Variants in CISD3 observed in about 807,000 individuals in gnomAD.
CISD3 encodes the protein CDGSH iron-sulfur domain-containing protein 3, mitochondrial.
CISD3 carries 11 observed loss-of-function variants against 14.1 expected under a neutral mutation model. That is an observed-to-expected ratio of 0.78 (90% CI 0.49 to 1.29). CISD3 has a LOEUF of 1.29. Among genes scored for constraint, CISD3 ranks in the 50% most tolerant of loss-of-function variants. The probability of loss-of-function intolerance (pLI) is 0.00; values close to 1 mark genes in which losing one functional copy is unlikely to be tolerated. For missense variants in CISD3, 156 were observed against 171.6 expected, an observed-to-expected ratio of 0.91 and a Z score of 0.51; for synonymous variants, 53 against 69.2, an observed-to-expected ratio of 0.77 and a Z score of 1.16.
chr17:38,731,126 T>G, intron 2 of CISD3, 194 bp from the exon 3 acceptor site: 1 of 741,558 alleles, frequency 1.3e-6, no homozygotes, highest in Non-Finnish European at 2.0e-6. Flanking sequence ...TGCATGGCTT[T>G]GAAATCTCCC....
chr17:38,733,752 A>C lies in CISD3; in HGVS notation c.*297A>C, dbSNP rs1012285948. ...GTGCTGCCTCCTGCTCCAGATTTTA[A>C]CCTCTCTGTGGGCTGGGGGCACCTG... On this transcript the variant is annotated 3_prime_UTR_variant, in exon 4 of 4. Transcript: ENST00000613478. The C allele has an allele frequency of 2.0e-5, 7 of 353,640 alleles. No homozygotes were observed. The highest frequency in any genetic ancestry group is 3.6e-5 in the Non-Finnish European group (7 of 195,658). The allele number at this position is 353,640 out of a possible 1,614,324, so 21.9% of individuals were successfully genotyped here. A position where few individuals can be genotyped will look rare whatever the true frequency, so the allele number is the denominator to read the frequency against.
intron 3 of CISD3, 91 bp downstream of exon 3, chr17:38,731,530 T>TC: frequency 6.6e-7 from 1 of 1,505,036 alleles, no homozygotes; most frequent in Non-Finnish European, 9.0e-7. Context: ...ATCTTATTCT[T>TC]CCCACACATA....
At position 38,734,952 on chromosome 17, in the gene CISD3, C is replaced by CG; in HGVS notation, c.*1497_*1498insG. 3.4e-6 allele frequency: 1 copy of CG among 298,402 alleles called. No individual in the cohort carries two copies. The allele number at this position is 298,402 out of a possible 1,614,324, so 18.5% of individuals were successfully genotyped here. A position where few individuals can be genotyped will look rare whatever the true frequency, so the allele number is the denominator to read the frequency against. On this transcript the variant is annotated 3_prime_UTR_variant, in exon 4 of 4. Coordinates refer to ENST00000613478, the MANE Select transcript of CISD3 (RefSeq NM_001136498.2). ...AAACAGCAAATTACACAAGACCCCC[C>CG]CCAAAAAAAATGAACACCATTTTCC...
At chr17:38,730,467 C>A (rs11652810) in intron 1 of CISD3, 61 bp downstream of exon 1, 244,256 of 1,176,794 alleles carry the variant, frequency 0.21, 26,938 homozygotes, top group Non-Finnish European at 0.23. Flanking sequence ...CCTGCCAGCC[C>A]CCACTCCAGC....
rs372971271 is a variant in CISD3 at position 38,735,312 on chromosome 17, C to T, written c.*1857C>T. The T allele has an allele frequency of 3.9e-6, 6 of 1,531,948 alleles. No homozygotes were observed. The African/African-American group carries it at 8.2e-5, about 21-fold the overall frequency. 94.9% of individuals were successfully genotyped at this position (1,531,948 alleles called of 1,614,324 possible). On this transcript the variant is annotated 3_prime_UTR_variant, in exon 4 of 4. Coordinates refer to ENST00000613478, the MANE Select transcript of CISD3 (RefSeq NM_001136498.2). The stretch of plus-strand genomic sequence containing the variant: ...GGTGTCTGCAGGCAGTTCAAGCTAC[C>T]CCCGTTGGCAGCTGTGGTGGCCCCA...
rs1449581874 is a variant in CISD3, at chr17:38,735,301, G to A, written c.*1846G>A. 1 of 1,519,080 alleles carries A rather than the reference G, an allele frequency of 6.6e-7. No homozygotes were observed. Among genetic ancestry groups the A allele is most frequent in the South Asian group, 1.3e-5 (1 of 77,182 alleles). The allele number at this position is 1,519,080 out of a possible 1,614,324, so 94.1% of individuals were successfully genotyped here. A position where few individuals can be genotyped will look rare whatever the true frequency, so the allele number is the denominator to read the frequency against. On this transcript the variant is annotated 3_prime_UTR_variant, in exon 4 of 4. Transcript: ENST00000613478. ...TGGTGGAGGATGGTGTCTGCAGGCA[G>A]TTCAAGCTACCCCCGTTGGCAGCTG...
In CISD3 at chr17:38,733,606, A is replaced by C. The variant is rs1307401104; in HGVS notation, c.*151A>C. The C allele has an allele frequency of 3.6e-6, 3 of 834,002 alleles. No individual in the cohort carries two copies. The highest frequency in any genetic ancestry group is 3.5e-6 in the Non-Finnish European group (2 of 568,500). 51.7% of individuals were successfully genotyped at this position (834,002 alleles called of 1,614,324 possible). ...GAAGAATTATTCCTTATAACCTAAA[A>C]GTCTCCAGTCTGGGGCAGGCGGGAG... On this transcript the variant is annotated 3_prime_UTR_variant, in exon 4 of 4. Coordinates refer to ENST00000613478, the MANE Select transcript of CISD3 (RefSeq NM_001136498.2).
rs1906626918 is a variant in CISD3, at chr17:38,735,447, C to CTGGCAGGG, written c.*2001_*2008dup. On this transcript the variant is annotated 3_prime_UTR_variant, in exon 4 of 4. Transcript: ENST00000613478. ...GGGCTGGGCAGGGAGGAGGAGGTGGCTGGCAGGGTGGCAGGGCTGGGAGCC... is the reference window on the plus strand; with the variant it reads ...GGGCTGGGCAGGGAGGAGGAGGTGGCTGGCAGGGTGGCAGGGTGGCAGGGCTGGGAGCC... The CTGGCAGGG allele has an allele frequency of 6.3e-7, 1 of 1,586,252 alleles. No homozygotes were observed. The highest frequency in any genetic ancestry group is 1.3e-5 in the African/African-American group (1 of 74,380).
Position 38,733,980 on chromosome 17 carries a change from C to G in CISD3, c.*525C>G, listed in dbSNP as rs1906477580. ...GGGTACAGTCACAGGACCTCAGACA[C>G]AGGACAAGGTGCAAACACAGACAAG... On this transcript the variant is annotated 3_prime_UTR_variant, in exon 4 of 4. Coordinates refer to ENST00000613478, the MANE Select transcript of CISD3 (RefSeq NM_001136498.2). The G allele has an allele frequency of 6.5e-6, 1 of 153,648 alleles. No individual in the cohort carries two copies. Among genetic ancestry groups the G allele is most frequent in the Non-Finnish European group, 1.4e-5 (1 of 69,182 alleles). The allele number at this position is 153,648 out of a possible 1,614,324, so 9.5% of individuals were successfully genotyped here.
At chr17:38,731,545 A>T in intron 3 of CISD3, 106 bp downstream of exon 3, 3 of 1,402,746 alleles carry the variant, frequency 2.1e-6, no homozygotes, top group Non-Finnish European at 1.9e-6. Context: ...CACATACCTG[A>T]GGGACACCAA....
Position 38,735,358 on chromosome 17 carries a change from G to A in CISD3, c.*1903G>A, listed in dbSNP as rs535093382. 23 of 1,559,980 alleles carry A rather than the reference G, an allele frequency of 1.5e-5. No individual in the cohort carries two copies. The highest frequency in any genetic ancestry group is 1.8e-5 in the Non-Finnish European group (21 of 1,150,466). On this transcript the variant is annotated 3_prime_UTR_variant, in exon 4 of 4. Transcript: ENST00000613478. ...CCCCACTGGCTGTCGAAGGGGGAGT[G>A]GGGGAGGTAGGGTGGGTGGCTGGAG...
chr17:38,730,469 C>T, intron 1 of CISD3, 63 bp downstream of exon 1: 1 of 1,169,532 alleles, frequency 8.6e-7, no homozygotes, highest in Non-Finnish European at 1.1e-6. Flanking sequence ...TGCCAGCCCC[C>T]ACTCCAGCCC....
In CISD3 at chr17:38,731,398, A is replaced by G; in HGVS notation, c.163A>G (p.Lys55Glu). 4 of 1,551,668 alleles carry G rather than the reference A, an allele frequency of 2.6e-6. No individual in the cohort carries two copies. Among genetic ancestry groups the G allele is most frequent in the Non-Finnish European group, 2.6e-6 (3 of 1,146,972 alleles). ...TPIKVELVAG[K>E]TYRWCVCGRS... Reference sequence around the variant, plus strand: ...CATCAAGGTGGAGCTGGTGGCAGGGAAAACCTACAGGTGGTGTGTGTGTGG... The same window carrying G: ...CATCAAGGTGGAGCTGGTGGCAGGGGAAACCTACAGGTGGTGTGTGTGTGG... Residue 55 changes from lysine to glutamate, a missense_variant, in exon 3 of 4, where the codon AAA (lysine) becomes GAA (glutamate). Physicochemically the swap from Lys to Glu is moderately conservative, Grantham distance 56. Transcript: ENST00000613478.
Position 38,735,588 on chromosome 17 carries a change from G to A in CISD3, c.*2133G>A. 1 of 1,571,576 alleles carries A rather than the reference G, an allele frequency of 6.4e-7. No homozygotes were observed. The highest frequency in any genetic ancestry group is 1.8e-5 in the Admixed American group (1 of 56,058). On this transcript the variant is annotated 3_prime_UTR_variant, in exon 4 of 4. Transcript: ENST00000613478. ...GCTGGCTGGACACGGTACTTGAGGG[G>A]GAGAGGCCCGTTCTGCGGGGAGAGT...
In CISD3 at chr17:38,735,117, C is replaced by T; in HGVS notation, c.*1662C>T. 1.1e-6 allele frequency: 1 copy of T among 893,648 alleles called. No homozygotes were observed. The highest frequency in any genetic ancestry group is 1.5e-6 in the Non-Finnish European group (1 of 654,224). The allele number at this position is 893,648 out of a possible 1,614,324, so 55.4% of individuals were successfully genotyped here. A position where few individuals can be genotyped will look rare whatever the true frequency, so the allele number is the denominator to read the frequency against. ...TATTTATAAAACCCGCCCCCCACCC[C>T]CAAGGTGGGAAGAGCTGGGGAAAGT... On this transcript the variant is annotated 3_prime_UTR_variant, in exon 4 of 4. Coordinates refer to ENST00000613478, the MANE Select transcript of CISD3 (RefSeq NM_001136498.2).
intron 1 of CISD3, 147 bp from the exon 2 acceptor site, chr17:38,730,613 T>A: frequency 1.1e-6 from 1 of 897,024 alleles, no homozygotes; most frequent in Non-Finnish European, 1.8e-6. Flanking sequence ...GACCTTTTTC[T>A]TACCCTCTCA....
Position 38,733,297 on chromosome 17 carries a change from T to C in CISD3, c.226T>C (p.Phe76Leu), listed in dbSNP as rs1418638651. The change falls in exon 4 of 4, where the codon TTC becomes CTC. Residue 76 changes from phenylalanine to leucine, a missense_variant. Phe to Leu is a conservative substitution (Grantham distance 22, BLOSUM62 0). Coordinates refer to ENST00000613478, the MANE Select transcript of CISD3 (RefSeq NM_001136498.2). The stretch of plus-strand genomic sequence containing the variant: ...CCAGCCCTTCTGTGACGGCTCCCAC[T>C]TCTTCCAACGCACTGGCCTATCTCC... ...KKQPFCDGSH[F>L]FQRTGLSPLK... 2.3e-5 allele frequency: 35 copies of C among 1,551,564 alleles called. No homozygotes were observed. The highest frequency in any genetic ancestry group is 2.9e-5 in the Non-Finnish European group (33 of 1,146,974).
chr17:38,735,317 T>C lies in CISD3; in HGVS notation c.*1862T>C. 2 of 1,536,588 alleles carry C rather than the reference T, an allele frequency of 1.3e-6. No homozygotes were observed. Among genetic ancestry groups the C allele is most frequent in the Non-Finnish European group, 1.8e-6 (2 of 1,135,182 alleles). ...CTGCAGGCAGTTCAAGCTACCCCCG[T>C]TGGCAGCTGTGGTGGCCCCACTGGC... On this transcript the variant is annotated 3_prime_UTR_variant, in exon 4 of 4. Coordinates refer to ENST00000613478, the MANE Select transcript of CISD3 (RefSeq NM_001136498.2).
At chr17:38,731,234 C>T (rs1906319568) in intron 2 of CISD3, 86 bp from the exon 3 acceptor site, 1 of 1,506,542 alleles carries the variant, frequency 6.6e-7, no homozygotes. Flanking sequence ...ACACACAGGC[C>T]AGTGGGAAAC....
Sources: allele counts gnomAD v4.1 joint callset, GRCh38; gene constraint gnomAD v4.1.1; transcripts MANE v1.5; gene names NCBI Gene and HGNC (gene_info 2026-07-23, HGNC 2026-07-21).